Variants in MAGI2 observed in about 807,000 individuals in gnomAD.
The protein encoded by MAGI2 is membrane-associated guanylate kinase, WW and PDZ domain-containing protein 2.
A neutral mutation model predicts 133.3 loss-of-function variants in MAGI2; 35 were observed. The observed-to-expected ratio is 0.26, with a 90% confidence interval of 0.20 to 0.35. The LOEUF is 0.35. MAGI2 is among the 10% of genes least tolerant of loss of function. The pLI is 1.00. For missense variants in MAGI2, 1,636 were observed against 1,863.4 expected (o/e 0.88, Z 2.25); for synonymous variants, 729 against 710.6 (o/e 1.03, Z -0.41).
chr7:78,549,467 TGGA>T (rs1328280327), intron 3 of MAGI2, among the ~76,000 whole-genome samples: 1 of 151,998 alleles, frequency 6.6e-6, no homozygotes, highest in Non-Finnish European at 1.5e-5. Flanking sequence ...CCATCCAATC[TGGA>T]GAAGAGTCCT....
chr7:78,503,076 G>A (rs534199130), intron 4 of MAGI2, among the ~76,000 whole-genome samples: 184 of 152,046 alleles, frequency 1.2e-3, no homozygotes, highest in South Asian at 5.4e-3. Context: ...AGGAACAAAA[G>A]AGCATCAGAC....
At chr7:79,335,237 A>T (rs1840355838) in intron 1 of MAGI2, among the ~76,000 whole-genome samples, 1 of 152,146 alleles carries the variant, frequency 6.6e-6, no homozygotes, top group African/African-American at 2.4e-5. Flanking sequence ...ACTTTAACAT[A>T]GTTTATTTTT....
intron 2 of MAGI2, among the ~76,000 whole-genome samples, chr7:78,782,307 G>A (rs994506963): frequency 2.0e-4 from 31 of 152,258 alleles, no homozygotes; most frequent in African/African-American, 7.2e-4. Context: ...GATTTGAGGC[G>A]GACTGGCTTC....
chr7:78,750,943 T>C (rs1446523166), intron 2 of MAGI2, among the ~76,000 whole-genome samples: 2 of 152,186 alleles, frequency 1.3e-5, no homozygotes, highest in Non-Finnish European at 2.9e-5. Context: ...TGAATAATGA[T>C]GTATGTTACT....
chr7:78,863,698 T>C (rs116971763), intron 2 of MAGI2, among the ~76,000 whole-genome samples: 1 of 152,312 alleles, frequency 6.6e-6, no homozygotes, highest in Non-Finnish European at 1.5e-5. Flanking sequence ...CACAGATAAA[T>C]ATAGGATCAC....
intron 1 of MAGI2, among the ~76,000 whole-genome samples, chr7:79,362,135 T>TA: frequency 6.6e-6 from 1 of 151,816 alleles, no homozygotes; most frequent in South Asian, 2.1e-4. Flanking sequence ...TAGCTTTTTT[T>TA]TAAAAAAACA....
chr7:78,390,343 C>T (rs1362835570), intron 6 of MAGI2, among the ~76,000 whole-genome samples: 1 of 152,186 alleles, frequency 6.6e-6, no homozygotes, highest in Non-Finnish European at 1.5e-5. Flanking sequence ...TTCAGCTTTA[C>T]ATATGGCACA....
intron 21 of MAGI2, among the ~76,000 whole-genome samples, chr7:78,045,197 A>G (rs1811298374): frequency 6.6e-6 from 1 of 152,196 alleles, no homozygotes; most frequent in Non-Finnish European, 1.5e-5. Flanking sequence ...TAAAATAAAT[A>G]AAACAAAATC....
intron 5 of MAGI2, among the ~76,000 whole-genome samples, chr7:78,498,531 A>G (rs1266329770): frequency 6.6e-6 from 1 of 152,218 alleles, no homozygotes; most frequent in Non-Finnish European, 1.5e-5. Context: ...GAAAACAGAC[A>G]GGAGAAAATC....
intron 1 of MAGI2, among the ~76,000 whole-genome samples, chr7:79,131,885 A>G (rs2129545399): frequency 6.6e-6 from 1 of 152,278 alleles, no homozygotes; most frequent in Non-Finnish European, 1.5e-5. Flanking sequence ...TTCAAATAAA[A>G]AAATTGATTA....
At chr7:78,077,793 G>A (rs1188330035) in intron 21 of MAGI2, among the ~76,000 whole-genome samples, 1 of 137,496 alleles carries the variant, frequency 7.3e-6, no homozygotes, top group Non-Finnish European at 1.5e-5. Context: ...GTAATGGTGT[G>A]GTCTCAGCTC....
At chr7:78,890,966 T>C (rs1471745150) in intron 2 of MAGI2, among the ~76,000 whole-genome samples, 3 of 151,928 alleles carry the variant, frequency 2.0e-5, no homozygotes, top group Admixed American at 6.6e-5. Context: ...ACCAACGCAA[T>C]TGATAGACTG....
intron 10 of MAGI2, among the ~76,000 whole-genome samples, chr7:78,216,247 C>G (rs892962254): frequency 6.6e-6 from 1 of 152,186 alleles, no homozygotes; most frequent in African/African-American, 2.4e-5. Context: ...CTAAATAGTC[C>G]TCAATTCTCA....
At chr7:78,381,376 C>T (rs1335241426) in intron 6 of MAGI2, among the ~76,000 whole-genome samples, 1 of 135,812 alleles carries the variant, frequency 7.4e-6, no homozygotes, top group Non-Finnish European at 1.7e-5. Flanking sequence ...AAAGAAACAA[C>T]ATGAGTACTA....
chr7:79,330,822 CA>C (rs1371366298), intron 1 of MAGI2, among the ~76,000 whole-genome samples: 1 of 151,872 alleles, frequency 6.6e-6, no homozygotes, highest in Non-Finnish European at 1.5e-5. Flanking sequence ...TATAAATATG[CA>C]ATACAAGTTG....
intron 1 of MAGI2, among the ~76,000 whole-genome samples, chr7:79,070,242 C>T (rs928240284): frequency 4.6e-5 from 7 of 152,034 alleles, no homozygotes; most frequent in Admixed American, 2.6e-4. Flanking sequence ...TCAGGTACAT[C>T]AATCAAACGT....
chr7:78,093,403 G>A lies in MAGI2; in HGVS notation c.3568-14318C>T, dbSNP rs186607009. Among the ~76,000 whole-genome samples, 8 of 151,614 alleles carry A rather than the reference G, an allele frequency of 5.3e-5. No homozygotes were observed. The East Asian group carries it at 1.4e-3, about 26-fold the overall frequency. ...TGGGAGGTGGAAGTTGCAATGATCC[G>A]AGATCGTGCCACTGCACTCCAACCT... On this transcript the variant is annotated intron_variant, in intron 20 of 21. Coordinates refer to ENST00000354212, the MANE Select transcript of MAGI2 (RefSeq NM_012301.4).
intron 9 of MAGI2, among the ~76,000 whole-genome samples, chr7:78,284,220 G>C (rs754615225): frequency 6.6e-6 from 1 of 151,994 alleles, no homozygotes; most frequent in Non-Finnish European, 1.5e-5. Context: ...CCTTCCCCTA[G>C]GCAAATGTTT....
At chr7:78,167,071 G>A (rs1457003464) in intron 15 of MAGI2, among the ~76,000 whole-genome samples, 2 of 151,990 alleles carry the variant, frequency 1.3e-5, no homozygotes, top group Admixed American at 6.6e-5. Flanking sequence ...AGAAGCCAGC[G>A]GGCCGCTGGG....
Sources: gnomAD v4.1 joint callset for allele counts (sites outside exome capture counted in the v4.1 genomes callset) on GRCh38, gnomAD v4.1.1 for gene constraint, MANE v1.5 for transcripts, NCBI Gene and HGNC (gene_info 2026-07-23, HGNC 2026-07-21) for gene names.